Variants in DDX4 observed in about 807,000 individuals in gnomAD.
DDX4 encodes probable ATP-dependent RNA helicase DDX4.
A neutral mutation model predicts 100.0 loss-of-function variants in DDX4; 25 were observed. The observed-to-expected ratio is 0.25, with a 90% confidence interval of 0.18 to 0.35. The LOEUF (loss-of-function observed/expected upper bound fraction) is 0.35, where lower values mean the gene tolerates loss of function less well. DDX4 is among the 10% of genes least tolerant of loss of function. The pLI is 1.00. For missense variants in DDX4, 635 were observed against 882.4 expected (o/e 0.72, Z 3.55); for synonymous variants, 259 against 275.7 (o/e 0.94, Z 0.60).
At chr5:55,800,890 T>C (rs1743255664) in intron 18 of DDX4, among the ~76,000 whole-genome samples, 1 of 152,194 alleles carries the variant, frequency 6.6e-6, no homozygotes, top group Non-Finnish European at 1.5e-5. Flanking sequence ...ATTTATCTCC[T>C]TTTCTACTCT....
chr5:55,771,930 G>A (rs943639123), intron 7 of DDX4, among the ~76,000 whole-genome samples: 4 of 147,578 alleles, frequency 2.7e-5, no homozygotes, highest in African/African-American at 5.0e-5. Context: ...TGCAAGAATA[G>A]TACATACAGA....
intron 7 of DDX4, among the ~76,000 whole-genome samples, chr5:55,775,949 C>T (rs918203637): frequency 3.3e-5 from 5 of 152,074 alleles, no homozygotes; most frequent in Non-Finnish European, 4.4e-5. Context: ...GTTAAAACCC[C>T]GTCTCTACTA....
intron 8 of DDX4, 112 bp from the exon 9 acceptor site, chr5:55,780,954 T>C (rs1741876441): frequency 1.2e-6 from 1 of 823,334 alleles, no homozygotes; most frequent in East Asian, 2.7e-5. Context: ...TTTTCTATTT[T>C]ACCCTGCATC....
intron 3 of DDX4, among the ~76,000 whole-genome samples, chr5:55,756,241 C>T (rs1037437019): frequency 1.3e-5 from 2 of 152,106 alleles, no homozygotes; most frequent in Non-Finnish European, 2.9e-5. Context: ...ATTGGCATCA[C>T]CTGGGAACTT....
intron 17 of DDX4, among the ~76,000 whole-genome samples, chr5:55,798,154 T>C (rs1460015232): frequency 6.6e-6 from 1 of 152,222 alleles, no homozygotes; most frequent in Non-Finnish European, 1.5e-5. Flanking sequence ...ACATATTTTA[T>C]ATAGTTTTGC....
At chr5:55,805,093 TG>T (rs1291677072) in intron 18 of DDX4, among the ~76,000 whole-genome samples, 1 of 151,628 alleles carries the variant, frequency 6.6e-6, no homozygotes, top group Non-Finnish European at 1.5e-5. Context: ...CAATTGTGAA[TG>T]GGAGTTCACT....
intron 6 of DDX4, among the ~76,000 whole-genome samples, chr5:55,765,532 T>G (rs1462776813): frequency 6.6e-6 from 1 of 150,922 alleles, no homozygotes. Context: ...GATAGTATGT[T>G]TTTAAATTTT....
At chr5:55,766,220 A>AT (rs954679442) in intron 6 of DDX4, among the ~76,000 whole-genome samples, 15 of 151,940 alleles carry the variant, frequency 9.9e-5, no homozygotes, top group African/African-American at 3.4e-4. Context: ...GAGATCACTT[A>AT]TTTTTTAAAG....
intron 3 of DDX4, among the ~76,000 whole-genome samples, chr5:55,756,479 ACT>A: frequency 6.6e-6 from 1 of 151,632 alleles, no homozygotes; most frequent in Non-Finnish European, 1.5e-5. Context: ...TAGTTTCAAA[ACT>A]CTTTGCCCCT....
At chr5:55,738,903 C>A in intron 1 of DDX4, 47 bp from the exon 2 acceptor site, 2 of 1,011,042 alleles carry the variant, frequency 2.0e-6, no homozygotes, top group Non-Finnish European at 3.1e-6. Context: ...AGTTATGATT[C>A]TGATCTAATT....
At chr5:55,739,104 T>C in intron 2 of DDX4, 72 bp downstream of exon 2, 2 of 891,596 alleles carry the variant, frequency 2.2e-6, no homozygotes, top group African/African-American at 3.3e-5. Flanking sequence ...GTGGTGAGAG[T>C]TCTAAATTAT....
At chr5:55,788,091 C>A in intron 15 of DDX4, 91 bp downstream of exon 15, 1 of 1,116,344 alleles carries the variant, frequency 9.0e-7, no homozygotes. Context: ...ATAATGCACT[C>A]ATGTAATTTT....
intron 3 of DDX4, among the ~76,000 whole-genome samples, chr5:55,748,350 T>C (rs191081095): frequency 6.6e-6 from 1 of 152,302 alleles, no homozygotes; most frequent in East Asian, 1.9e-4. Flanking sequence ...TGCTGTGTAA[T>C]CAGGAGAAAC....
chr5:55,763,917 C>T (rs917124224), intron 5 of DDX4, 97 bp from the exon 6 acceptor site: 49 of 811,452 alleles, frequency 6.0e-5, no homozygotes, highest in African/African-American at 4.4e-4. Flanking sequence ...AATTGTGTAT[C>T]GCTTATCTTA....
rs764486835 is a variant in DDX4 at position 55,788,017 on chromosome 5, G to A, written c.1172+17G>A. 4.4e-5 allele frequency: 69 copies of A among 1,582,378 alleles called. No homozygotes were observed. In the South Asian group the frequency reaches 8.1e-4, roughly 19 times the overall value. On this transcript the variant is annotated intron_variant, in intron 15 of 21. Coordinates refer to ENST00000505374, the MANE Select transcript of DDX4 (RefSeq NM_024415.3). ...TTCTTTTGGGTAAGTACATCAGAGT[G>A]CTACTCACAAAATAGTTTTTTCTTT...
At chr5:55,782,631 A>G (rs1320582784) in intron 10 of DDX4, among the ~76,000 whole-genome samples, 1 of 151,860 alleles carries the variant, frequency 6.6e-6, no homozygotes, top group Non-Finnish European at 1.5e-5. Context: ...AAACTGTTTA[A>G]TAAAATAATA....
intron 18 of DDX4, among the ~76,000 whole-genome samples, chr5:55,806,412 A>T (rs1051807064): frequency 1.3e-5 from 2 of 151,774 alleles, no homozygotes; most frequent in Non-Finnish European, 2.9e-5. Flanking sequence ...TTTAATTGTG[A>T]TATTAGGGTG....
rs79495871 is a variant in DDX4, at chr5:55,764,801, G to A, written c.334+737G>A. ...AGTTTTCTGTTCCATAGAATGGAAGGTATTCATTTTATAGGTGGTTAGGCA... is the reference window on the plus strand; with the variant it reads ...AGTTTTCTGTTCCATAGAATGGAAGATATTCATTTTATAGGTGGTTAGGCA... On this transcript the variant is annotated intron_variant, in intron 6 of 21. Coordinates refer to ENST00000505374, the MANE Select transcript of DDX4 (RefSeq NM_024415.3). 4.3e-4 allele frequency among the ~76,000 whole-genome samples: 66 copies of A among 152,276 alleles called. 1 individual carries two copies. The East Asian group carries it at 8.5e-3, about 20-fold the overall frequency.
At chr5:55,807,373 G>A (rs1344514327) in intron 18 of DDX4, among the ~76,000 whole-genome samples, 8 of 152,006 alleles carry the variant, frequency 5.3e-5, no homozygotes, top group Non-Finnish European at 1.0e-4. Flanking sequence ...TTATGATGTT[G>A]GCTGGTTATT....
Sources: allele counts gnomAD v4.1 joint callset (sites outside exome capture counted in the v4.1 genomes callset), GRCh38; gene constraint gnomAD v4.1.1; transcripts MANE v1.5; gene names NCBI Gene and HGNC (gene_info 2026-07-23, HGNC 2026-07-21).